The following ATP2C1 variants were observed in gnomAD, a reference collection of about 807,000 sequenced individuals.
ATP2C1 encodes the protein calcium-transporting ATPase type 2C member 1.
Under a neutral mutation model 120.5 loss-of-function variants are expected in ATP2C1, and 31 were observed. The observed-to-expected ratio is 0.26, with a 90% CI of 0.19 to 0.35. ATP2C1 has a LOEUF of 0.35. Ranked by LOEUF, ATP2C1 falls within the 10% of genes least tolerant of loss-of-function variation. The probability of loss-of-function intolerance (pLI) is 1.00; values close to 1 mark genes in which losing one functional copy is unlikely to be tolerated. For missense variants in ATP2C1, 731 were observed against 1,107.5 expected (o/e 0.66, Z 4.83); for synonymous variants, 351 against 358.7 (o/e 0.98, Z 0.24).
intron 1 of ATP2C1, among the ~76,000 whole-genome samples, chr3:130,862,599 T>C (rs1294854708): frequency 2.6e-5 from 4 of 152,230 alleles, no homozygotes; most frequent in African/African-American, 9.6e-5. Context: ...TTGGCTCTGT[T>C]TCTCCTTTAC....
In ATP2C1 at chr3:130,894,421, G is replaced by T. The variant is rs966420916; in HGVS notation, c.-181+84G>T. The stretch of plus-strand genomic sequence containing the variant: ...GGGGAGGTTCGGGTATCCCCTGGAT[G>T]GGGGGGCATCTCTAGGGCGCCGCCC... On this transcript the variant is annotated intron_variant, in intron 1 of 27. Coordinates refer to ENST00000510168, the MANE Select transcript of ATP2C1 (RefSeq NM_001378687.1). The surrounding 1 kb of genome is among the most constrained non-coding windows in gnomAD (Gnocchi z 4.5). 9.6e-6 allele frequency: 12 copies of T among 1,256,014 alleles called. No individual in the cohort carries two copies. Among genetic ancestry groups the T allele is most frequent in the East Asian group, 8.0e-5 (2 of 24,992 alleles). 77.8% of individuals were successfully genotyped at this position (1,256,014 alleles called of 1,614,324 possible). A position where few individuals can be genotyped will look rare whatever the true frequency, so the allele number is the denominator to read the frequency against.
At chr3:130,905,247 A>C (rs935764338) in intron 2 of ATP2C1, among the ~76,000 whole-genome samples, 3 of 152,040 alleles carry the variant, frequency 2.0e-5, no homozygotes, top group Non-Finnish European at 2.9e-5. Flanking sequence ...GGTAACATGT[A>C]TGAACACATA....
Position 131,002,904 on chromosome 3 carries a change from T to G in ATP2C1, c.*1554T>G, listed in dbSNP as rs1325122714. 3.0e-6 allele frequency: 3 copies of G among 985,846 alleles called. No homozygotes were observed. Among genetic ancestry groups the G allele is most frequent in the Non-Finnish European group, 3.6e-6 (3 of 829,904 alleles). 61.1% of individuals were successfully genotyped at this position (985,846 alleles called of 1,614,324 possible). A position where few individuals can be genotyped will look rare whatever the true frequency, so the allele number is the denominator to read the frequency against. On this transcript the variant is annotated 3_prime_UTR_variant, in exon 28 of 28. Transcript: ENST00000510168. The stretch of plus-strand genomic sequence containing the variant: ...TAAGGCTGAATTGTCAAATGTACAT[T>G]GTTCCATGTCGTTAGATGGAACATG...
At chr3:131,008,973 C>T (rs1012448643) in intron 26 of ATP2C1, among the ~76,000 whole-genome samples, 4 of 152,118 alleles carry the variant, frequency 2.6e-5, no homozygotes, top group African/African-American at 7.2e-5. Context: ...TCTGATCTGC[C>T]GTCCCATCTG....
chr3:130,966,913 T>C lies in ATP2C1; in HGVS notation c.1123-232T>C, dbSNP rs2640473. ...TATTCTTTTAACAGTATATTGTAAT[T>C]AGAAAACAATGTCTTTTTAGATTAA... On this transcript the variant is annotated intron_variant, in intron 14 of 27. Transcript: ENST00000510168. Among the ~76,000 whole-genome samples, 24,802 of 152,188 alleles carry C rather than the reference T, an allele frequency of 0.16. 2,202 individuals are homozygous for C. The highest frequency in any genetic ancestry group is 0.24 in the Middle Eastern group (72 of 294).
chr3:130,913,228 C>T (rs997671891), intron 2 of ATP2C1, among the ~76,000 whole-genome samples: 1 of 149,996 alleles, frequency 6.7e-6, no homozygotes, highest in Non-Finnish European at 1.5e-5. Context: ...CACATGTACC[C>T]TAAAACTTAA....
intron 1 of ATP2C1, among the ~76,000 whole-genome samples, chr3:130,865,482 T>C (rs1470782823): frequency 1.3e-5 from 2 of 152,172 alleles, no homozygotes; most frequent in Non-Finnish European, 2.9e-5. Flanking sequence ...GAGATGATAT[T>C]TGGAGGGCCC....
At chr3:131,015,947 A>G in intron 26 of ATP2C1, 1 of 744,230 alleles carries the variant, frequency 1.3e-6, no homozygotes, top group Non-Finnish European at 2.3e-6. Context: ...TTCTTTGAGA[A>G]TATGGAAATA....
intron 1 of ATP2C1, among the ~76,000 whole-genome samples, chr3:130,879,907 C>A (rs1262487079): frequency 6.6e-6 from 1 of 152,094 alleles, no homozygotes; most frequent in Non-Finnish European, 1.5e-5. Flanking sequence ...GATCCTTGGG[C>A]CCCTGGGCAG....
chr3:131,013,625 A>G (rs1011375458), intron 26 of ATP2C1, among the ~76,000 whole-genome samples: 2 of 152,220 alleles, frequency 1.3e-5, no homozygotes, highest in African/African-American at 2.4e-5. Flanking sequence ...TCTGTCTGGC[A>G]TCCTCACTTC....
chr3:130,937,088 A>G (rs373566919), intron 5 of ATP2C1, among the ~76,000 whole-genome samples: 4 of 152,188 alleles, frequency 2.6e-5, no homozygotes, highest in East Asian at 1.9e-4. Context: ...AATTTTTTAC[A>G]TGAGTTGATG....
At chr3:130,964,200 A>ATGTT (rs2060950331) in intron 13 of ATP2C1, 105 bp downstream of exon 13, 2 of 1,532,368 alleles carry the variant, frequency 1.3e-6, no homozygotes, top group Non-Finnish European at 1.8e-6. Context: ...TTGCATAATG[A>ATGTT]TGTTTGGCTT....
chr3:130,942,379 T>C lies in ATP2C1; in HGVS notation c.531+680T>C, dbSNP rs545435221. 2.3e-3 allele frequency among the ~76,000 whole-genome samples: 357 copies of C among 152,356 alleles called. 3 individuals are homozygous for C. The highest frequency in any genetic ancestry group is 4.2e-3 in the Non-Finnish European group (286 of 68,026). ...TAAATAATGTTATCCTTAATCTGGC[T>C]ACAGTGTGTAGAATAGATTGAAGAA... On this transcript the variant is annotated intron_variant, in intron 8 of 27. Transcript: ENST00000510168.
At chr3:130,931,549 C>T (rs918379098) in intron 3 of ATP2C1, among the ~76,000 whole-genome samples, 4 of 151,986 alleles carry the variant, frequency 2.6e-5, no homozygotes, top group South Asian at 2.1e-4. Flanking sequence ...TAGAAAATGG[C>T]GAAACAACAA....
In ATP2C1 at chr3:130,964,037, T is replaced by C; in HGVS notation, c.966T>C (p.Val322=). The change falls in exon 13 of 28, where the codon GTT becomes GTC. Residue 322 remains valine, a synonymous_variant. Transcript: ENST00000510168. ...IVVTVTLALG[V]MRMVKKRAIV... ...TCACAGTGACGCTAGCTCTTGGTGT[T>C]ATGAGAATGGTGAAGAAAAGGGCCA... 2 of 1,612,794 alleles carry C rather than the reference T, an allele frequency of 1.2e-6. No individual in the cohort carries two copies. Among genetic ancestry groups the C allele is most frequent in the Non-Finnish European group, 1.7e-6 (2 of 1,179,022 alleles).
intron 2 of ATP2C1, among the ~76,000 whole-genome samples, chr3:130,927,240 T>C (rs1376623068): frequency 1.3e-5 from 2 of 151,820 alleles, no homozygotes; most frequent in Non-Finnish European, 2.9e-5. Context: ...ATTTTTTTTT[T>C]AACTTTTTTT....
At chr3:130,874,389 G>A (rs1416764234) in intron 1 of ATP2C1, among the ~76,000 whole-genome samples, 3 of 152,142 alleles carry the variant, frequency 2.0e-5, no homozygotes, top group Admixed American at 2.0e-4. Context: ...ATCTTATTCT[G>A]TAACTTCCTA....
intron 26 of ATP2C1, chr3:131,015,167 CAGG>C (rs1262223600): frequency 1.4e-6 from 1 of 700,212 alleles, no homozygotes; most frequent in East Asian, 2.7e-5. Flanking sequence ...TGTTTACTGC[CAGG>C]AGGCTTTTTA....
intron 8 of ATP2C1, among the ~76,000 whole-genome samples, chr3:130,946,140 A>G (rs759643338): frequency 9.2e-5 from 14 of 152,100 alleles, no homozygotes; most frequent in Non-Finnish European, 1.3e-4. Flanking sequence ...GAGAATTACC[A>G]CTTGGGCTAG....
Sources: gnomAD v4.1 joint callset for allele counts (sites outside exome capture counted in the v4.1 genomes callset) on GRCh38, gnomAD v4.1.1 for gene constraint, Gnocchi (gnomAD v3.1) non-coding constraint, MANE v1.5 for transcripts, NCBI Gene and HGNC (gene_info 2026-07-23, HGNC 2026-07-21) for gene names.